The following GLDC variants were observed in gnomAD, a reference collection of about 807,000 sequenced individuals.
GLDC encodes glycine decarboxylase, also known as glycine dehydrogenase (decarboxylating), mitochondrial.
GLDC carries 104 observed loss-of-function variants against 121.3 expected under a neutral mutation model. The observed-to-expected ratio is 0.86, with a 90% CI of 0.73 to 1.01. The LOEUF (loss-of-function observed/expected upper bound fraction) is 1.01. Ranked by LOEUF, GLDC falls within the 50% of genes least tolerant of loss-of-function variation. The pLI is 0.00. For missense variants in GLDC, 1,429 were observed against 1,306.6 expected, an observed-to-expected ratio of 1.09 and a Z score of -1.44; for synonymous variants, 546 against 480.6, an observed-to-expected ratio of 1.14 and a Z score of -1.78.
intron 4 of GLDC, among the ~76,000 whole-genome samples, chr9:6,608,111 T>A (rs982692348): frequency 4.0e-5 from 6 of 151,868 alleles, no homozygotes; most frequent in Non-Finnish European, 8.8e-5. Context: ...AGTCAAACCC[T>A]GCCTCAAAAA....
intron 2 of GLDC, chr9:6,639,215 G>C (rs1247554669): frequency 3.4e-6 from 3 of 889,304 alleles, no homozygotes; most frequent in Non-Finnish European, 5.6e-6. Flanking sequence ...TAAAGGCCAA[G>C]AAGGCAGTGT....
chr9:6,628,453 C>G (rs766035104), intron 2 of GLDC, among the ~76,000 whole-genome samples: 1 of 152,060 alleles, frequency 6.6e-6, no homozygotes, highest in Non-Finnish European at 1.5e-5. Context: ...TGAAACTAAC[C>G]AGGGGGGAAA....
intron 20 of GLDC, among the ~76,000 whole-genome samples, chr9:6,553,033 A>G (rs1817548220): frequency 6.6e-6 from 1 of 152,174 alleles, no homozygotes; most frequent in African/African-American, 2.4e-5. Context: ...GGCTATATAA[A>G]TCCTGCAGGA....
At chr9:6,558,513 A>G in intron 17 of GLDC, 46 bp downstream of exon 17, 2 of 1,608,606 alleles carry the variant, frequency 1.2e-6, no homozygotes, top group Non-Finnish European at 1.7e-6. Flanking sequence ...CCCCACCAGC[A>G]CTCCCCATCC....
chr9:6,541,238 G>A (rs1817251459), intron 21 of GLDC: 1 of 152,168 alleles, frequency 6.6e-6, no homozygotes, highest in Non-Finnish European at 1.5e-5. Flanking sequence ...ACCATCATCA[G>A]GAATAAACCA....
chr9:6,628,995 A>G (rs565444551), intron 2 of GLDC, among the ~76,000 whole-genome samples: 2 of 151,964 alleles, frequency 1.3e-5, no homozygotes, highest in African/African-American at 2.4e-5. Context: ...GCCTCTAGGC[A>G]TCACTTCCTA....
chr9:6,586,048 C>A (rs932918898), intron 15 of GLDC, among the ~76,000 whole-genome samples: 20 of 152,108 alleles, frequency 1.3e-4, no homozygotes, highest in Admixed American at 5.9e-4. Flanking sequence ...GTAATCCCAA[C>A]ACTTTGGGAG....
chr9:6,580,112 C>A (rs955441774), intron 15 of GLDC, among the ~76,000 whole-genome samples: 1 of 152,200 alleles, frequency 6.6e-6, no homozygotes, highest in African/African-American at 2.4e-5. Context: ...GACCTTCGAC[C>A]CAGGAACATT....
At chr9:6,627,295 C>CAAA (rs35067265) in intron 2 of GLDC, among the ~76,000 whole-genome samples, 67 of 77,762 alleles carry the variant, frequency 8.6e-4, no homozygotes, top group African/African-American at 2.8e-3. Flanking sequence ...GACTCCATCT[C>CAAA]AAAAAAAAAA....
At chr9:6,554,566 T>G in intron 19 of GLDC, 103 bp downstream of exon 19, 1 of 839,570 alleles carries the variant, frequency 1.2e-6, no homozygotes, top group Non-Finnish European at 2.0e-6. Flanking sequence ...CCGATGAGGG[T>G]ATCCTCAACA....
intron 24 of GLDC, among the ~76,000 whole-genome samples, chr9:6,534,491 C>T (rs957301016): frequency 6.6e-6 from 1 of 151,906 alleles, no homozygotes; most frequent in Non-Finnish European, 1.5e-5. Context: ...AGTTTTCCCC[C>T]ACTCTGTTCC....
At chr9:6,582,210 G>A (rs1221171262) in intron 15 of GLDC, among the ~76,000 whole-genome samples, 6 of 67,740 alleles carry the variant, frequency 8.9e-5, no homozygotes, top group Non-Finnish European at 5.1e-5. Flanking sequence ...GCAAGACTTC[G>A]TCTCAAAAAA....
chr9:6,601,518 T>G (rs1312585597), intron 8 of GLDC, among the ~76,000 whole-genome samples: 1 of 151,768 alleles, frequency 6.6e-6, no homozygotes, highest in African/African-American at 2.4e-5. Context: ...AATAATGCTT[T>G]TTATTTTTTT....
chr9:6,546,770 C>A lies in GLDC; in HGVS notation c.2569+4033G>T, dbSNP rs749827613. Among the ~76,000 whole-genome samples, 63 of 151,634 alleles carry A rather than the reference C, an allele frequency of 4.2e-4. No individual in the cohort carries two copies. In the East Asian group the frequency reaches 4.3e-3, roughly 10 times the overall value. The stretch of plus-strand genomic sequence containing the variant: ...TGAGGTCAGGAGTTTGAGACCAGCC[C>A]GGGCAACAGGATGAAACCCTGTCTC... On this transcript the variant is annotated intron_variant, in intron 21 of 24. Transcript: ENST00000321612.
At chr9:6,552,152 G>T (rs1165925486) in intron 20 of GLDC, among the ~76,000 whole-genome samples, 1 of 152,196 alleles carries the variant, frequency 6.6e-6, no homozygotes, top group East Asian at 1.9e-4. Flanking sequence ...AGCAGCTAAA[G>T]CTAGAGTCCA....
chr9:6,575,299 G>C (rs930085783), intron 15 of GLDC, among the ~76,000 whole-genome samples: 1 of 151,890 alleles, frequency 6.6e-6, no homozygotes, highest in African/African-American at 2.4e-5. Flanking sequence ...TTGTGCAGTA[G>C]GTAGGGCATC....
At chr9:6,556,347 T>C (rs768609576) in intron 17 of GLDC, 45 bp from the exon 18 acceptor site, 49 of 1,548,402 alleles carry the variant, frequency 3.2e-5, no homozygotes, top group Non-Finnish European at 4.4e-5. Flanking sequence ...GGAGGATATG[T>C]TTCTTTCTTG....
At chr9:6,633,471 T>C (rs1819433186) in intron 2 of GLDC, among the ~76,000 whole-genome samples, 1 of 152,190 alleles carries the variant, frequency 6.6e-6, no homozygotes, top group African/African-American at 2.4e-5. Flanking sequence ...CACGAATACC[T>C]CAAACCCAAT....
chr9:6,549,021 C>T (rs1817454141), intron 21 of GLDC, among the ~76,000 whole-genome samples: 1 of 152,310 alleles, frequency 6.6e-6, no homozygotes, highest in South Asian at 2.1e-4. Context: ...TTTAAACACC[C>T]AGCGTCTGCC....
Sources: allele counts gnomAD v4.1 joint callset (sites outside exome capture counted in the v4.1 genomes callset), GRCh38; gene constraint gnomAD v4.1.1; transcripts MANE v1.5; gene names NCBI Gene and HGNC (gene_info 2026-07-23, HGNC 2026-07-21).